EMID1: variants seen among roughly 807,000 people sequenced by gnomAD.
EMID1 encodes the protein EMI domain-containing protein 1.
Under a neutral mutation model 60.6 loss-of-function variants are expected in EMID1, and 40 were observed. The ratio of observed to expected loss-of-function variants is 0.66; its 90% CI spans 0.51 to 0.86. EMID1 has a LOEUF of 0.86. Ranked by LOEUF, EMID1 falls within the 40% of genes least tolerant of loss-of-function variation. The probability of loss-of-function intolerance (pLI) is 0.00; values close to 1 mark genes in which losing one functional copy is unlikely to be tolerated. For synonymous variants in EMID1, 242 were observed against 231.0 expected, an observed-to-expected ratio of 1.05 and a Z score of -0.43; for missense variants, 585 against 597.1, an observed-to-expected ratio of 0.98 and a Z score of 0.21.
intron 6 of EMID1, 160 bp from the exon 7 acceptor site, chr22:29,231,433 C>T: frequency 1.2e-6 from 1 of 854,718 alleles, no homozygotes; most frequent in Non-Finnish European, 1.9e-6. Flanking sequence ...GGGACACTGA[C>T]CTCTGCCTAC....
chr22:29,220,360 A>T (rs1053976841), intron 3 of EMID1, among the ~76,000 whole-genome samples: 3 of 152,256 alleles, frequency 2.0e-5, no homozygotes, highest in Non-Finnish European at 4.4e-5. Flanking sequence ...GCCAGGCCGG[A>T]CATAGACTAA....
At chr22:29,229,643 CAA>C (rs34973149) in intron 5 of EMID1, among the ~76,000 whole-genome samples, 25 of 127,004 alleles carry the variant, frequency 2.0e-4, no homozygotes, top group Admixed American at 1.6e-4. Flanking sequence ...AACTCCACCT[CAA>C]AAAAAAAAAA....
chr22:29,233,604 CT>C lies in EMID1; in HGVS notation c.914-5del. On this transcript the variant is annotated splice_polypyrimidine_tract_variant and intron_variant, in intron 9 of 14. Transcript: ENST00000334018. ...TGTTCCGGCCCTTAGGACATCCTGT[CT>C]TTTTCCAGGTCCCCCTGGGCCTCCT... 1 of 1,613,270 alleles carries C rather than the reference CT, an allele frequency of 6.2e-7. No individual in the cohort carries two copies. The highest frequency in any genetic ancestry group is 1.1e-5 in the South Asian group (1 of 91,028).
chr22:29,243,620 G>A (rs575799194), intron 13 of EMID1, 131 bp downstream of exon 13: 1 of 1,093,442 alleles, frequency 9.1e-7, no homozygotes, highest in African/African-American at 1.6e-5. Flanking sequence ...TGGTCTCCCA[G>A]GCAGGAGCCT....
At chr22:29,224,336 A>G (rs9608740) in intron 3 of EMID1, among the ~76,000 whole-genome samples, 1 of 152,116 alleles carries the variant, frequency 6.6e-6, no homozygotes, top group East Asian at 1.9e-4. Context: ...TGAGGGGGGC[A>G]GTTGCCAGTG....
At chr22:29,254,119 G>C (rs866125350) in intron 13 of EMID1, 84 bp from the exon 14 acceptor site, 105 of 1,600,472 alleles carry the variant, frequency 6.6e-5, no homozygotes, top group Non-Finnish European at 8.7e-5. Context: ...TGCATGTCCC[G>C]GGTGGGGCAT....
intron 2 of EMID1, 137 bp from the exon 3 acceptor site, chr22:29,215,390 C>A: frequency 7.9e-7 from 1 of 1,266,270 alleles, no homozygotes; most frequent in African/African-American, 1.5e-5. Flanking sequence ...TCCCAAAATG[C>A]AGGAGAGAGC....
In EMID1 at chr22:29,237,779, C is replaced by A. The variant is rs1167175743; in HGVS notation, c.1074+3430C>A. Among the ~76,000 whole-genome samples, 2 of 136,728 alleles carry A rather than the reference C, an allele frequency of 1.5e-5. 1 individual carries two copies. The highest frequency in any genetic ancestry group is 3.1e-5 in the Non-Finnish European group (2 of 65,120). 89.7% of individuals were successfully genotyped at this position (136,728 alleles called of 152,430 possible). ...TCGCGCCACTGCACTGCAGCCTGGG[C>A]AACAGAGCGAGACTCCGTTTCAAAA... On this transcript the variant is annotated intron_variant, in intron 12 of 14. Transcript: ENST00000334018.
chr22:29,222,876 G>A (rs1601935617), intron 3 of EMID1, among the ~76,000 whole-genome samples: 1 of 152,254 alleles, frequency 6.6e-6, no homozygotes, highest in East Asian at 1.9e-4. Flanking sequence ...TGGATCACGA[G>A]GTCGGGAGAT....
At chr22:29,251,101 T>C (rs1340852499) in intron 13 of EMID1, among the ~76,000 whole-genome samples, 4 of 150,456 alleles carry the variant, frequency 2.7e-5, no homozygotes, top group African/African-American at 9.8e-5. Flanking sequence ...AATTTTTTCT[T>C]TTTTTGAGAC....
At chr22:29,212,231 C>T (rs2039915898) in intron 1 of EMID1, among the ~76,000 whole-genome samples, 1 of 152,134 alleles carries the variant, frequency 6.6e-6, no homozygotes, top group South Asian at 2.1e-4. Context: ...AAGTGATCCA[C>T]CTGCCTTGGC....
rs16987293 is a variant in EMID1 at position 29,232,681 on chromosome 22, G to C, written c.823+279G>C. ...TCCAGAACCTGTGCTTAGAGCCACC[G>C]GGCATCAGGCCCTCCCAAGCCTTGG... On this transcript the variant is annotated intron_variant, in intron 8 of 14. Transcript: ENST00000334018. The C allele has an allele frequency of 6.1e-3, 2,412 of 394,902 alleles. 72 individuals are homozygous for C. The highest frequency in any genetic ancestry group is 0.048 in the African/African-American group (2,284 of 48,078). 24.5% of individuals were successfully genotyped at this position (394,902 alleles called of 1,614,324 possible). A position where few individuals can be genotyped will look rare whatever the true frequency, so the allele number is the denominator to read the frequency against.
intron 12 of EMID1, among the ~76,000 whole-genome samples, chr22:29,235,348 CAAAA>C (rs3066718): frequency 1.9e-4 from 21 of 113,340 alleles, no homozygotes; most frequent in Admixed American, 3.6e-4. Flanking sequence ...GACTTCATCT[CAAAA>C]AAAAAAAAAA....
At chr22:29,226,652 C>T (rs940123633) in intron 5 of EMID1, 101 bp downstream of exon 5, 19 of 1,239,934 alleles carry the variant, frequency 1.5e-5, no homozygotes, top group East Asian at 2.7e-5. Flanking sequence ...ACCCCATGCT[C>T]GCACCCTCAG....
intron 13 of EMID1, among the ~76,000 whole-genome samples, chr22:29,251,418 G>A (rs899750446): frequency 6.9e-6 from 1 of 144,522 alleles, no homozygotes; most frequent in African/African-American, 2.6e-5. Context: ...GTCTCACTAT[G>A]TTGCCCTGGC....
chr22:29,219,365 C>T (rs995556980), intron 3 of EMID1, among the ~76,000 whole-genome samples: 1 of 152,188 alleles, frequency 6.6e-6, no homozygotes, highest in African/African-American at 2.4e-5. Flanking sequence ...TCTGCTTCCC[C>T]CTCATAGGTC....
chr22:29,211,074 C>T (rs983902126), intron 1 of EMID1, among the ~76,000 whole-genome samples: 15 of 152,074 alleles, frequency 9.9e-5, no homozygotes, highest in Admixed American at 2.6e-4. Flanking sequence ...TGCGTCCATG[C>T]GAGAGGGCAT....
intron 1 of EMID1, among the ~76,000 whole-genome samples, chr22:29,208,758 G>T (rs1361622539): frequency 6.6e-6 from 1 of 152,204 alleles, no homozygotes; most frequent in Non-Finnish European, 1.5e-5. Flanking sequence ...AAGGTACTGT[G>T]CTGGTGTCCC....
intron 3 of EMID1, among the ~76,000 whole-genome samples, chr22:29,220,433 C>T (rs1292584235): frequency 6.6e-6 from 1 of 152,176 alleles, no homozygotes; most frequent in Non-Finnish European, 1.5e-5. Context: ...CAGCTCCGAC[C>T]CTAACCCCTG....
Sources: gnomAD v4.1 joint callset for allele counts (sites outside exome capture counted in the v4.1 genomes callset) on GRCh38, gnomAD v4.1.1 for gene constraint, MANE v1.5 for transcripts, NCBI Gene and HGNC (gene_info 2026-07-23, HGNC 2026-07-21) for gene names.